The following RYR3 variants were observed in gnomAD, a reference collection of about 807,000 sequenced individuals.
RYR3 encodes ryanodine receptor 3, also known as brain ryanodine receptor-calcium release channel.
In RYR3, 207 loss-of-function variants were observed where a neutral mutation model predicts 584.3. The ratio of observed to expected loss-of-function variants is 0.35; its 90% confidence interval spans 0.32 to 0.40. RYR3 has a LOEUF of 0.40. Among genes scored for constraint, RYR3 ranks in the 10% least tolerant of loss-of-function variants. The probability of loss-of-function intolerance (pLI) is 1.00; values close to 1 mark genes in which losing one functional copy is unlikely to be tolerated. For synonymous variants in RYR3, 2,416 were observed against 2,248.5 expected (o/e 1.07, Z -2.11); for missense variants, 5,616 against 6,089.2 (o/e 0.92, Z 2.59).
chr15:33,628,429 T>G, intron 20 of RYR3, 42 bp from the exon 21 acceptor site: 1 of 1,414,700 alleles, frequency 7.1e-7, no homozygotes, highest in South Asian at 1.2e-5. Context: ...TATGATAGGT[T>G]TCAAAACAAT....
At chr15:33,841,099 C>T (rs979742797) in intron 90 of RYR3, among the ~76,000 whole-genome samples, 1 of 152,074 alleles carries the variant, frequency 6.6e-6, no homozygotes, top group Admixed American at 6.5e-5. Context: ...CACCTGTAGT[C>T]ACAGCTACTT....
Position 33,662,376 on chromosome 15 carries a change from G to T in RYR3, c.4846G>T (p.Ala1616Ser), listed in dbSNP as rs369569252. The T allele has an allele frequency of 2.4e-5, 38 of 1,613,146 alleles. No homozygotes were observed. Among genetic ancestry groups the T allele is most frequent in the Non-Finnish European group, 2.9e-5 (34 of 1,179,600 alleles). The change falls in exon 35 of 104, where the codon GCC (alanine) becomes TCC (serine). Residue 1616 changes from alanine (A) to serine (S), a missense_variant. Ala to Ser is a moderately conservative substitution (Grantham distance 99). Around this residue, in one of 9 missense-constraint regions of RYR3, gnomAD observed 753 missense variants for 741.0 expected, o/e 1.02. Coordinates refer to ENST00000634891, the MANE Select transcript of RYR3 (RefSeq NM_001036.6). ...FYDLLISIHL[A>S]SAKERKLMMK... ...TGACCTGCTCATCAGCATCCACCTG[G>T]CCAGCGCCAAGGAGAGGAAGCTGAT...
At chr15:33,832,162 C>T (rs112478966) in intron 86 of RYR3, among the ~76,000 whole-genome samples, 49 of 151,722 alleles carry the variant, frequency 3.2e-4, no homozygotes, top group Middle Eastern at 3.2e-3. Context: ...GGCATGGTGT[C>T]GTGCGCGTGT....
chr15:33,376,531 C>G (rs2040754541), intron 1 of RYR3, among the ~76,000 whole-genome samples: 3 of 152,206 alleles, frequency 2.0e-5, no homozygotes, highest in Admixed American at 6.5e-5. Flanking sequence ...CACAGTTTGA[C>G]TAGTCATTGG....
chr15:33,726,229 C>G (rs887458787), intron 45 of RYR3, among the ~76,000 whole-genome samples, 157 bp from the exon 46 acceptor site: 1 of 152,128 alleles, frequency 6.6e-6, no homozygotes, highest in Admixed American at 6.5e-5. Context: ...ATGCCACTCT[C>G]CTCTTTCCCT....
intron 1 of RYR3, among the ~76,000 whole-genome samples, chr15:33,456,777 C>T (rs763039469): frequency 3.9e-5 from 6 of 152,120 alleles, no homozygotes; most frequent in Non-Finnish European, 8.8e-5. Context: ...TTCAGTGGCT[C>T]AATGCTGAAT....
intron 45 of RYR3, among the ~76,000 whole-genome samples, chr15:33,726,089 C>T (rs1455886361): frequency 1.3e-5 from 2 of 151,420 alleles, no homozygotes; most frequent in Admixed American, 6.6e-5. Context: ...ATTGAGAAGC[C>T]ACCAGCAGGC....
At chr15:33,702,305 C>T (rs2066362622) in intron 42 of RYR3, among the ~76,000 whole-genome samples, 1 of 152,188 alleles carries the variant, frequency 6.6e-6, no homozygotes, top group Admixed American at 6.5e-5. Context: ...TTTTAGAAAA[C>T]ACCCCAGTTT....
At position 33,771,959 on chromosome 15, in the gene RYR3, G is replaced by A. The variant is rs770042477; in HGVS notation, c.8856G>A (p.Gly2952=). The change falls in exon 63 of 104, where the codon GGG becomes GGA. Residue 2952 remains glycine (G), a synonymous_variant. Coordinates refer to ENST00000634891, the MANE Select transcript of RYR3 (RefSeq NM_001036.6). ...CAGGCTCAGAGCTGGTGAAGGCTGG[G>A]TTACGAGCATTCTTTGAAAATGCTG... ...MKSGSELVKA[G]LRAFFENAAE... is the part of the protein sequence containing the mutation. The A allele has an allele frequency of 2.5e-6, 4 of 1,613,198 alleles. No individual in the cohort carries two copies. Among genetic ancestry groups the A allele is most frequent in the Non-Finnish European group, 3.4e-6 (4 of 1,179,664 alleles).
intron 32 of RYR3, among the ~76,000 whole-genome samples, chr15:33,656,814 A>G (rs894062521): frequency 2.0e-5 from 3 of 152,086 alleles, no homozygotes; most frequent in Non-Finnish European, 4.4e-5. Flanking sequence ...CTCCATTTCA[A>G]AGCCAACAAG....
At chr15:33,753,149 T>G (rs2071485284) in intron 57 of RYR3, among the ~76,000 whole-genome samples, 1 of 152,230 alleles carries the variant, frequency 6.6e-6, no homozygotes, top group Non-Finnish European at 1.5e-5. Flanking sequence ...AATTACGTAT[T>G]TGGAAGCCTG....
intron 1 of RYR3, among the ~76,000 whole-genome samples, chr15:33,386,850 C>CT (rs1016639402): frequency 1.5e-4 from 22 of 151,186 alleles, no homozygotes; most frequent in African/African-American, 4.6e-4. Flanking sequence ...AATTTTTTTC[C>CT]TTTTTTTTTA....
intron 1 of RYR3, among the ~76,000 whole-genome samples, chr15:33,472,202 G>A (rs578214840): frequency 6.6e-6 from 1 of 152,248 alleles, no homozygotes; most frequent in African/African-American, 2.4e-5. Context: ...TACAACTTGT[G>A]GCTTCTCGCA....
intron 36 of RYR3, among the ~76,000 whole-genome samples, chr15:33,668,404 A>G (rs1369939661): frequency 6.6e-6 from 1 of 152,244 alleles, no homozygotes; most frequent in East Asian, 1.9e-4. Context: ...GTATAAAAGT[A>G]TATAAAAAGT....
chr15:33,350,189 C>T (rs985236160), intron 1 of RYR3, among the ~76,000 whole-genome samples: 5 of 152,116 alleles, frequency 3.3e-5, no homozygotes, highest in African/African-American at 1.2e-4. Context: ...GTAAAGGGAT[C>T]AATTCAACAA....
At chr15:33,483,280 G>A (rs11853470) in intron 2 of RYR3, among the ~76,000 whole-genome samples, 21,382 of 151,852 alleles carry the variant, frequency 0.14, 3,870 homozygotes, top group African/African-American at 0.42. Flanking sequence ...CCAATTCAAC[G>A]TCTTGAATGT....
At position 33,769,162 on chromosome 15, in the gene RYR3, C is replaced by G. The variant is rs367633815; in HGVS notation, c.8806C>G (p.Leu2936Val). The change falls in exon 62 of 104, where the codon CTT becomes GTT. Residue 2936 changes from leucine to valine, a missense_variant. Leu to Val is a conservative substitution (Grantham distance 32). This residue lies in a region of RYR3 where 1,280 missense variants were observed against 1,426.2 expected (regional missense o/e 0.90). Coordinates refer to ENST00000634891, the MANE Select transcript of RYR3 (RefSeq NM_001036.6). The part of the protein sequence containing the change: ...VSCLHILAQT[L>V]DTRTVMKSGS... ...CTGTCTTCACATCTTAGCTCAGACA[C>G]TTGACACAAGGTAAGTCTGCCCAGT... is the stretch of plus-strand genomic sequence containing the variant. The G allele has an allele frequency of 3.7e-6, 6 of 1,612,700 alleles. No homozygotes were observed. The highest frequency in any genetic ancestry group is 1.3e-5 in the African/African-American group (1 of 74,902).
Position 33,623,825 on chromosome 15 carries a change from T to A in RYR3, c.2376T>A (p.Gly792=). Residue 792 remains glycine (G), a synonymous_variant, in exon 20 of 104, where the codon GGT becomes GGA. Transcript: ENST00000634891. ...SAGVKVRFLM[G]GRHGEFKFLP... is the part of the protein sequence containing the mutation. ...ATGACAGAGTACGTTTCCTGATGGG[T>A]GGACGTCATGGAGAGTTTAAGTTCC... 1 of 1,612,864 alleles carries A rather than the reference T, an allele frequency of 6.2e-7. No homozygotes were observed. Among genetic ancestry groups the A allele is most frequent in the African/African-American group, 1.3e-5 (1 of 75,014 alleles).
At chr15:33,728,557 A>AT (rs1196466247) in intron 46 of RYR3, among the ~76,000 whole-genome samples, 2 of 152,146 alleles carry the variant, frequency 1.3e-5, no homozygotes, top group African/African-American at 4.8e-5. Flanking sequence ...AGCGTGTTGG[A>AT]TTTTTTTGGA....
Sources: gnomAD v4.1 joint callset for allele counts (sites outside exome capture counted in the v4.1 genomes callset) on GRCh38, gnomAD v4.1.1 for gene constraint, gnomAD v4.1.1 regional missense constraint, MANE v1.5 for transcripts, NCBI Gene and HGNC (gene_info 2026-07-23, HGNC 2026-07-21) for gene names.